Variants in PDGFA observed in about 807,000 individuals in gnomAD.
PDGFA encodes the protein platelet derived growth factor subunit A.
PDGFA carries 9 observed loss-of-function variants against 25.6 expected under a neutral mutation model. The observed-to-expected ratio is 0.35, with a 90% CI of 0.21 to 0.61. The LOEUF is 0.61. PDGFA is among the 20% of genes least tolerant of loss of function. The probability of loss-of-function intolerance (pLI) is 0.75; values close to 1 mark genes in which losing one functional copy is unlikely to be tolerated. For synonymous variants in PDGFA, 133 were observed against 111.8 expected (o/e 1.19, Z -1.20); for missense variants, 242 against 272.8 (o/e 0.89, Z 0.79).
At chr7:511,982 T>C (rs1414760334) in intron 3 of PDGFA, among the ~76,000 whole-genome samples, 4 of 152,116 alleles carry the variant, frequency 2.6e-5, no homozygotes, top group Non-Finnish European at 5.9e-5. Context: ...ACACTGCGAA[T>C]TGGAAATTAG....
Position 517,500 on chromosome 7 carries a change from G to C in PDGFA, c.64-10C>G. 7.8e-7 allele frequency: 1 copy of C among 1,283,190 alleles called. No homozygotes were observed. 79.5% of individuals were successfully genotyped at this position (1,283,190 alleles called of 1,614,324 possible). ...GGGGGATCTCGGCTTCCTGCAAGCAGAGGCCACACGGTCAGCGCCCGCGGC... is the reference window on the plus strand; with the variant it reads ...GGGGGATCTCGGCTTCCTGCAAGCACAGGCCACACGGTCAGCGCCCGCGGC... On this transcript the variant is annotated splice_polypyrimidine_tract_variant and intron_variant, in intron 1 of 5. Coordinates refer to ENST00000402802, the Ensembl canonical transcript of PDGFA. This position sits in a 1 kb window ranked among gnomAD's most constrained non-coding sequence, Gnocchi z 7.4.
exon 5 of PDGFA, chr7:501,147 G>T (rs1019947822): frequency 5.6e-6 from 9 of 1,614,226 alleles, no homozygotes; most frequent in South Asian, 2.2e-5. Context: ...CCGGATTCAG[G>T]CTTGTGGTCG....
intron 4 of PDGFA, among the ~76,000 whole-genome samples, chr7:507,803 C>A (rs989262191): frequency 1.3e-5 from 2 of 152,000 alleles, no homozygotes; most frequent in East Asian, 3.9e-4. Flanking sequence ...GTGCTGGGCT[C>A]ATGCCAGGGG....
intron 4 of PDGFA, among the ~76,000 whole-genome samples, chr7:507,493 C>CG (rs954431195): frequency 2.6e-5 from 4 of 152,182 alleles, no homozygotes; most frequent in Non-Finnish European, 5.9e-5. Context: ...CTCAGGGGGC[C>CG]GGGGGAGGGA....
At chr7:501,055 C>T (rs764114540) in intron 5 of PDGFA, 61 bp downstream of exon 5, 1 of 1,613,696 alleles carries the variant, frequency 6.2e-7, no homozygotes, top group Non-Finnish European at 8.5e-7. Context: ...CCTAACACCC[C>T]AAAAGCAAGG....
Position 500,917 on chromosome 7 carries a change from TCCC to T in PDGFA, c.580+196_580+198del. On this transcript the variant is annotated intron_variant, in intron 5 of 5. Coordinates refer to ENST00000402802, the Ensembl canonical transcript of PDGFA. This position sits in a 1 kb window ranked among gnomAD's most constrained non-coding sequence, Gnocchi z 5.0. ...GCCAGTGCCGCAGCTTGGGCCACCCTCCCCACCGGACACCTGCAGGTGTGGGAT... is the reference window on the plus strand; with the variant it reads ...GCCAGTGCCGCAGCTTGGGCCACCCTCACCGGACACCTGCAGGTGTGGGAT... 1 of 1,587,158 alleles carries T rather than the reference TCCC, an allele frequency of 6.3e-7. No homozygotes were observed. Among genetic ancestry groups the T allele is most frequent in the Non-Finnish European group, 8.5e-7 (1 of 1,174,008 alleles).
At chr7:519,765 A>C (rs1783287235), upstream of PDGFA, among the ~76,000 whole-genome samples, 1 of 146,292 alleles carries the variant, frequency 6.8e-6, no homozygotes, top group Non-Finnish European at 1.5e-5. Flanking sequence ...CCTCCGCCGC[A>C]GCCGCCGCCG....
chr7:510,886 C>G (rs554246178), exon 4 of PDGFA: 1 of 1,612,240 alleles, frequency 6.2e-7, no homozygotes, highest in East Asian at 2.2e-5. Context: ...CAGCGTTTCA[C>G]CTCCACGCAC....
chr7:517,344 G>GCCGC lies in PDGFA; in HGVS notation c.160+46_160+49dup. ...CCCGGCCCCAGCTCGGGGCGCACAG[G>GCCGC]CCGCCCGCCCGCGCCCTCCCCGCGC... On this transcript the variant is annotated intron_variant, in intron 2 of 5. Coordinates refer to ENST00000402802, the Ensembl canonical transcript of PDGFA. This position sits in a 1 kb window ranked among gnomAD's most constrained non-coding sequence, Gnocchi z 7.4. The GCCGC allele has an allele frequency of 1.1e-6, 1 of 928,814 alleles. No homozygotes were observed. Among genetic ancestry groups the GCCGC allele is most frequent in the Non-Finnish European group, 1.5e-6 (1 of 686,224 alleles). The allele number at this position is 928,814 out of a possible 1,614,324, so 57.5% of individuals were successfully genotyped here.
rs1342253291 is a variant in PDGFA, at chr7:500,154, A to G, written c.580+962T>C. Reference sequence around the variant, plus strand: ...CTGCTCAGGTCGCCCAACCTGTTCCATTCATGTGCAATGCTCCTGCATCCC... The same window carrying G: ...CTGCTCAGGTCGCCCAACCTGTTCCGTTCATGTGCAATGCTCCTGCATCCC... On this transcript the variant is annotated intron_variant, in intron 5 of 5. Coordinates refer to ENST00000402802, the Ensembl canonical transcript of PDGFA. The surrounding 1 kb of genome is among the most constrained non-coding windows in gnomAD (Gnocchi z 5.0). Among the ~76,000 whole-genome samples the G allele has an allele frequency of 6.6e-6, 1 of 152,132 alleles. No homozygotes were observed. The highest frequency in any genetic ancestry group is 1.5e-5 in the Non-Finnish European group (1 of 68,032).
At chr7:498,830 G>A (rs1782204848) in intron 5 of PDGFA, among the ~76,000 whole-genome samples, 6 of 152,190 alleles carry the variant, frequency 3.9e-5, no homozygotes, top group Admixed American at 3.9e-4. Flanking sequence ...TTCTCCCATT[G>A]TACAGATGGG....
At chr7:512,670 A>G (rs759437916) in intron 2 of PDGFA, 29 of 1,490,208 alleles carry the variant, frequency 1.9e-5, no homozygotes, top group Admixed American at 1.7e-4. Flanking sequence ...AACACTGGAA[A>G]CCGCAGAAAA....
rs1165219967 is a variant in PDGFA, at chr7:517,240, A to G, written c.160+154T>C. ...AGAGAAAGTGGAGACTGGAAGAGAA[A>G]CTCCTGACTCATCCGCCCGGGCGCT... On this transcript the variant is annotated intron_variant, in intron 2 of 5. Coordinates refer to ENST00000402802, the Ensembl canonical transcript of PDGFA. This position sits in a 1 kb window ranked among gnomAD's most constrained non-coding sequence, Gnocchi z 7.4. Among the ~76,000 whole-genome samples the G allele has an allele frequency of 6.7e-6, 1 of 149,888 alleles. No individual in the cohort carries two copies. Among genetic ancestry groups the G allele is most frequent in the Non-Finnish European group, 1.5e-5 (1 of 67,450 alleles).
chr7:520,082 CG>C, upstream of PDGFA: 3 of 396,390 alleles, frequency 7.6e-6, no homozygotes, highest in Admixed American at 2.9e-5. Flanking sequence ...GGCTCCGCGC[CG>C]GGGCTCCGCG....
chr7:519,446 G>A, upstream of PDGFA: 1 of 158,052 alleles, frequency 6.3e-6, no homozygotes, highest in Non-Finnish European at 1.4e-5. Context: ...CGCCGCCGCC[G>A]CCGCCACACC....
At chr7:510,875 G>A (rs965677323) in exon 4 of PDGFA, 2 of 1,611,914 alleles carry the variant, frequency 1.2e-6, no homozygotes, top group African/African-American at 2.7e-5. Flanking sequence ...AGCAGCCGGT[G>A]CAGCGTTTCA....
exon 6 of PDGFA, chr7:498,322 T>C (rs10254081): frequency 0.68 from 315,783 of 464,868 alleles, 89,063 homozygotes; most frequent in Non-Finnish European, 0.7. Context: ...CTCTCTCTCT[T>C]TCTCTCTCTC....
Position 518,938 on chromosome 7 carries a change from C to A in PDGFA, c.63+1G>T. 1 of 1,521,564 alleles carries A rather than the reference C, an allele frequency of 6.6e-7. No individual in the cohort carries two copies. The highest frequency in any genetic ancestry group is 1.2e-5 in the South Asian group (1 of 81,280). 94.3% of individuals were successfully genotyped at this position (1,521,564 alleles called of 1,614,324 possible). ...GGACGGGGCGCGGGGGCGGCACCAA[C>A]CTCGGCCAGAACATGGGCGAGGTAT... On this transcript the variant is annotated splice_donor_variant, in intron 1 of 5. Coordinates refer to ENST00000402802, the Ensembl canonical transcript of PDGFA. LOFTEE classifies it high-confidence loss of function.
intron 4 of PDGFA, among the ~76,000 whole-genome samples, chr7:508,297 C>T (rs1324241300): frequency 1.3e-5 from 2 of 151,960 alleles, no homozygotes; most frequent in East Asian, 3.9e-4. Context: ...ATTTCAGTGA[C>T]CCCATATTCC....
Sources: allele counts gnomAD v4.1 joint callset (sites outside exome capture counted in the v4.1 genomes callset), GRCh38; gene constraint gnomAD v4.1.1; non-coding constraint Gnocchi (gnomAD v3.1); transcripts MANE v1.5; gene names NCBI Gene and HGNC (gene_info 2026-07-23, HGNC 2026-07-21).